Variants in SATL1 observed in about 807,000 individuals in gnomAD.
SATL1 encodes the protein spermidine/spermine N1-acetyl transferase like 1, also known as spermidine/spermine N(1)-acetyltransferase-like protein 1.
In SATL1, 47 loss-of-function variants were observed where a neutral mutation model predicts 51.8. The observed-to-expected ratio is 0.91, with a 90% CI of 0.72 to 1.16. The LOEUF (loss-of-function observed/expected upper bound fraction) is 1.16. Ranked by LOEUF, SATL1 falls within the 50% of genes most tolerant of loss-of-function variation. SATL1 has a pLI of 0.00. For synonymous variants in SATL1, 176 were observed against 182.4 expected, an observed-to-expected ratio of 0.97 and a Z score of 0.28; for missense variants, 520 against 526.4, an observed-to-expected ratio of 0.99 and a Z score of 0.12.
At chrX:85,170,272 TTAAAA>T (rs1436278839) in intron 2 of SATL1, among the ~76,000 whole-genome samples, 1 of 111,008 alleles carries the variant, frequency 9.0e-6, no homozygotes, top group Non-Finnish European at 1.9e-5. Flanking sequence ...ACCTGTGAAC[TTAAAA>T]TAAAAGTTTA....
intron 4 of SATL1, among the ~76,000 whole-genome samples, chrX:85,097,242 AG>A (rs1401203754): frequency 8.9e-6 from 1 of 112,286 alleles, no homozygotes; most frequent in Non-Finnish European, 1.9e-5. Flanking sequence ...GGGTATATGC[AG>A]TGGGTCCTGG....
At chrX:85,104,615 C>T (rs1468289451) in intron 3 of SATL1, among the ~76,000 whole-genome samples, 1 of 110,492 alleles carries the variant, frequency 9.1e-6, no homozygotes, top group Non-Finnish European at 1.9e-5. Context: ...CATTTACAGT[C>T]ATCCCTTTGT....
At position 85,152,624 on chromosome X, in the gene SATL1, A is replaced by C. The variant is rs186976513; in HGVS notation, c.-312-43344T>G. ...AAATGTGGCACATATACACCATGGA[A>C]TACTATGCAGCCATAAAAAATGATG... On this transcript the variant is annotated intron_variant, in intron 2 of 7. Coordinates refer to ENST00000644105, the MANE Select transcript of SATL1 (RefSeq NM_001367857.2). Among the ~76,000 whole-genome samples the C allele has an allele frequency of 1.2e-3, 131 of 111,915 alleles. 2 individuals are homozygous for C. In the East Asian group the frequency reaches 0.035, roughly 30 times the overall value.
chrX:85,167,077 A>T (rs1300358438), intron 2 of SATL1, among the ~76,000 whole-genome samples: 1 of 108,250 alleles, frequency 9.2e-6, no homozygotes, highest in Non-Finnish European at 1.9e-5. Context: ...AAAAGGAACA[A>T]AATAATGGCA....
chrX:85,215,422 CT>C (rs760863183), intron 2 of SATL1, among the ~76,000 whole-genome samples: 1 of 112,200 alleles, frequency 8.9e-6, no homozygotes, highest in South Asian at 3.7e-4. Context: ...TGAAAACACT[CT>C]TTTCTTCTCT....
At chrX:85,189,465 G>A (rs1031695628) in intron 2 of SATL1, among the ~76,000 whole-genome samples, 1 of 112,131 alleles carries the variant, frequency 8.9e-6, no homozygotes, top group Non-Finnish European at 1.9e-5. Flanking sequence ...CTGGGTATGT[G>A]TGGAACAGTT....
At chrX:85,152,324 C>T (rs1486155637) in intron 2 of SATL1, among the ~76,000 whole-genome samples, 1 of 111,227 alleles carries the variant, frequency 9.0e-6, no homozygotes, top group Non-Finnish European at 1.9e-5. Flanking sequence ...ACAACAGGTG[C>T]TGGAGAGGAT....
chrX:85,232,707 C>T (rs1042309700), intron 1 of SATL1, among the ~76,000 whole-genome samples: 1 of 111,358 alleles, frequency 9.0e-6, no homozygotes, highest in Non-Finnish European at 1.9e-5. Flanking sequence ...ACTCCTTTGC[C>T]TGTGAAAAGA....
intron 2 of SATL1, among the ~76,000 whole-genome samples, chrX:85,204,699 T>G (rs1927757279): frequency 8.9e-6 from 1 of 111,741 alleles, no homozygotes; most frequent in Non-Finnish European, 1.9e-5. Context: ...TTCTTTTATT[T>G]CCTTGACTCA....
intron 2 of SATL1, among the ~76,000 whole-genome samples, chrX:85,124,694 T>C (rs774296579): frequency 9.0e-6 from 1 of 111,340 alleles, no homozygotes; most frequent in Non-Finnish European, 1.9e-5. Context: ...GCCCACTGCA[T>C]TTTGGGCTGC....
At chrX:85,228,597 CTT>C (rs1340268715) in intron 1 of SATL1, among the ~76,000 whole-genome samples, 2 of 111,182 alleles carry the variant, frequency 1.8e-5, no homozygotes, top group Admixed American at 9.6e-5. Flanking sequence ...TGAAATTGCT[CTT>C]GTCAAGGTCA....
chrX:85,189,127 T>C (rs1020431337), intron 2 of SATL1, among the ~76,000 whole-genome samples: 2 of 112,469 alleles, frequency 1.8e-5, no homozygotes, highest in African/African-American at 6.5e-5. Context: ...TGTGAAGTTT[T>C]GTTTGTTAAA....
chrX:85,129,638 T>A (rs896157263), intron 2 of SATL1, among the ~76,000 whole-genome samples: 21 of 111,721 alleles, frequency 1.9e-4, no homozygotes, highest in Non-Finnish European at 3.4e-4. Context: ...TATCCTTTAT[T>A]TCTTTCTCTT....
In SATL1 at chrX:85,187,982, T is replaced by C. The variant is rs191559574; in HGVS notation, c.-313+36223A>G. ...GAAGCCTCTCATCCCTCCTCTATAA[T>C]TGTAAAAAGGAAACAAATTAGCACA... On this transcript the variant is annotated intron_variant, in intron 2 of 7. Transcript: ENST00000644105. Among the ~76,000 whole-genome samples, 49 of 111,378 alleles carry C rather than the reference T, an allele frequency of 4.4e-4. No homozygotes were observed. The Admixed American group carries it at 4.7e-3, about 11-fold the overall frequency.
intron 1 of SATL1, among the ~76,000 whole-genome samples, chrX:85,241,546 GT>G (rs757060018): frequency 6.3e-5 from 7 of 111,548 alleles, no homozygotes; most frequent in African/African-American, 2.0e-4. Flanking sequence ...AGCTCTAACA[GT>G]TTTTTTTCCC....
At chrX:85,129,521 G>A (rs920659121) in intron 2 of SATL1, among the ~76,000 whole-genome samples, 1 of 111,992 alleles carries the variant, frequency 8.9e-6, no homozygotes, top group East Asian at 2.8e-4. Context: ...TGCTGAAATT[G>A]CTTCTCAGCT....
chrX:85,165,285 C>T (rs1385789338), intron 2 of SATL1, among the ~76,000 whole-genome samples: 2 of 111,032 alleles, frequency 1.8e-5, no homozygotes, highest in African/African-American at 6.5e-5. Context: ...ATTTGACAGC[C>T]TTGTCTTCAA....
intron 2 of SATL1, among the ~76,000 whole-genome samples, chrX:85,112,126 G>A (rs1925273505): frequency 9.0e-6 from 1 of 111,439 alleles, no homozygotes; most frequent in South Asian, 3.8e-4. Flanking sequence ...TGAAGTGCGT[G>A]GATCAGTTGA....
intron 2 of SATL1, among the ~76,000 whole-genome samples, chrX:85,145,113 C>T (rs1926200349): frequency 9.0e-6 from 1 of 111,195 alleles, no homozygotes; most frequent in African/African-American, 3.3e-5. Context: ...CCCTTAGTGG[C>T]CTACTAGTAG....
Sources: allele counts gnomAD v4.1 joint callset (sites outside exome capture counted in the v4.1 genomes callset), GRCh38; gene constraint gnomAD v4.1.1; transcripts MANE v1.5; gene names NCBI Gene and HGNC (gene_info 2026-07-23, HGNC 2026-07-21).